Variants in LRBA observed in about 807,000 individuals in gnomAD.
LRBA encodes the protein LPS responsive beige-like anchor protein.
A neutral mutation model predicts 330.0 loss-of-function variants in LRBA; 176 were observed. That is an observed-to-expected ratio of 0.53 (90% CI 0.47 to 0.60). The LOEUF is 0.60. Among genes scored for constraint, LRBA ranks in the 20% least tolerant of loss-of-function variants. The pLI is 0.00. For synonymous variants in LRBA, 1,230 were observed against 1,193.0 expected, an observed-to-expected ratio of 1.03 and a Z score of -0.64; for missense variants, 3,259 against 3,444.8, an observed-to-expected ratio of 0.95 and a Z score of 1.35.
chr4:150,485,937 G>C (rs1283066066), intron 42 of LRBA, among the ~76,000 whole-genome samples: 1 of 151,874 alleles, frequency 6.6e-6, no homozygotes, highest in African/African-American at 2.4e-5. Context: ...GCAGAGGAGT[G>C]GGGGAAATGG....
At position 150,899,977 on chromosome 4, in the gene LRBA, G is replaced by C. The variant is rs1003041567; in HGVS notation, c.1924+72C>G. 5 of 1,236,294 alleles carry C rather than the reference G, an allele frequency of 4.0e-6. No individual in the cohort carries two copies. In the African/African-American group the frequency reaches 7.5e-5, roughly 19 times the overall value. 76.6% of individuals were successfully genotyped at this position (1,236,294 alleles called of 1,614,324 possible). ...ACTGCCCAAATATATGATAGTACTG[G>C]TTAAAACAAAAAGAAAAATTAAATC... On this transcript the variant is annotated intron_variant, in intron 14 of 56. Transcript: ENST00000651943.
intron 17 of LRBA, among the ~76,000 whole-genome samples, chr4:150,891,879 C>T (rs921006571): frequency 3.3e-5 from 5 of 152,072 alleles, no homozygotes; most frequent in African/African-American, 1.2e-4. Context: ...GTGTTTGAGC[C>T]TAGGAGTTCA....
rs746140161 is a variant in LRBA at position 150,914,298 on chromosome 4, G to T, written c.1058C>A (p.Ala353Asp). The T allele has an allele frequency of 1.3e-6, 2 of 1,592,574 alleles. No homozygotes were observed. The highest frequency in any genetic ancestry group is 1.7e-6 in the Non-Finnish European group (2 of 1,167,948). ...CATCTGACCACAGAATACTCTATTA[G>T]CATCTGCTGTTTCTGATGAGCCCAG... ...CFLGSSETAD[A>D]NRVFCGQMTA... The change falls in exon 9 of 57, where the codon GCT becomes GAT. Residue 353 changes from alanine (A) to aspartate (D), a missense_variant. Physicochemically the swap from Ala to Asp is moderately radical, Grantham distance 126 (BLOSUM62 -2). Transcript: ENST00000651943.
rs555716860 is a variant in LRBA at position 150,606,528 on chromosome 4, TA to T, written c.5922-7398del. Among the ~76,000 whole-genome samples the T allele has an allele frequency of 3.0e-3, 463 of 151,948 alleles. 3 individuals are homozygous for T. The highest frequency in any genetic ancestry group is 4.2e-3 in the Non-Finnish European group (285 of 67,916). ...ATGGGGACAAGGAAATTATTAAATA[TA>T]AAAAAAATAAGTTAAAATAGACTAT... On this transcript the variant is annotated intron_variant, in intron 37 of 56. Coordinates refer to ENST00000651943, the MANE Select transcript of LRBA (RefSeq NM_001364905.1).
intron 37 of LRBA, among the ~76,000 whole-genome samples, chr4:150,634,541 G>A (rs1777697372): frequency 6.6e-6 from 1 of 152,166 alleles, no homozygotes; most frequent in Non-Finnish European, 1.5e-5. Context: ...GGATGAAGAA[G>A]GTAACTATAA....
At chr4:150,840,007 A>G (rs978569874) in intron 28 of LRBA, among the ~76,000 whole-genome samples, 17 of 152,180 alleles carry the variant, frequency 1.1e-4, no homozygotes, top group African/African-American at 4.1e-4. Flanking sequence ...TGTTATGGAG[A>G]CAGCTTCTTT....
chr4:150,807,243 C>T (rs1742927980), intron 32 of LRBA, among the ~76,000 whole-genome samples: 1 of 151,918 alleles, frequency 6.6e-6, no homozygotes, highest in Non-Finnish European at 1.5e-5. Flanking sequence ...ATTCATACTA[C>T]CAAGAAGACA....
At chr4:150,876,301 T>C (rs1317955381) in intron 17 of LRBA, among the ~76,000 whole-genome samples, 1 of 152,164 alleles carries the variant, frequency 6.6e-6, no homozygotes, top group African/African-American at 2.4e-5. Flanking sequence ...CTGGAAAATA[T>C]ATGTGAGGAA....
chr4:150,654,775 T>C (rs1375013734), intron 37 of LRBA, among the ~76,000 whole-genome samples: 1 of 152,102 alleles, frequency 6.6e-6, no homozygotes, highest in African/African-American at 2.4e-5. Context: ...TTCCCACCTA[T>C]GAGTGAGAAC....
At chr4:150,266,798 A>C (rs867667244) in intron 56 of LRBA, among the ~76,000 whole-genome samples, 1 of 152,246 alleles carries the variant, frequency 6.6e-6, no homozygotes, top group South Asian at 2.1e-4. Context: ...AACATGATCC[A>C]ACTATATGCT....
chr4:150,705,617 T>G (rs910501763), intron 36 of LRBA, among the ~76,000 whole-genome samples: 12 of 152,010 alleles, frequency 7.9e-5, no homozygotes, highest in African/African-American at 2.7e-4. Context: ...AGATACAATC[T>G]GGCAAGATTA....
At chr4:150,997,267 T>C (rs1742760174) in intron 2 of LRBA, among the ~76,000 whole-genome samples, 1 of 152,186 alleles carries the variant, frequency 6.6e-6, no homozygotes, top group African/African-American at 2.4e-5. Flanking sequence ...AAATACTTTA[T>C]GTAAATAAAG....
chr4:150,579,938 A>C (rs1210202866), intron 40 of LRBA: 4 of 330,108 alleles, frequency 1.2e-5, no homozygotes, highest in Non-Finnish European at 2.4e-5. Flanking sequence ...GTCTCCGCCC[A>C]GTAACTGCCC....
chr4:150,282,617 C>T lies in LRBA; in HGVS notation c.8149G>A (p.Gly2717Arg), dbSNP rs758789829. 1 of 1,612,542 alleles carries T rather than the reference C, an allele frequency of 6.2e-7. No individual in the cohort carries two copies. The highest frequency in any genetic ancestry group is 8.5e-7 in the Non-Finnish European group (1 of 1,179,158). ...EGPCLIHSMN[G>R]DLLRTLEGPE... ...CCCTCCAAGGTCCTCAACAAGTCTC[C>T]ATTCATGGAATGTATGAGACATGGT... is the stretch of plus-strand genomic sequence containing the variant. The change falls in exon 55 of 57, where the codon GGA becomes AGA. Residue 2717 changes from glycine (G) to arginine (R), a missense_variant. Gly to Arg is a moderately radical substitution (Grantham distance 125). Coordinates refer to ENST00000651943, the MANE Select transcript of LRBA (RefSeq NM_001364905.1).
chr4:150,982,637 C>G lies in LRBA; in HGVS notation c.216+31790G>C, dbSNP rs1487974623. 4.0e-5 allele frequency among the ~76,000 whole-genome samples: 6 copies of G among 148,612 alleles called. No homozygotes were observed. The East Asian group carries it at 1.2e-3, about 29-fold the overall frequency. ...AAAAACACCCATAGAATAAAAAATA[C>G]CAGTTTCTCTTGTAATTTGCATTTT... On this transcript the variant is annotated intron_variant, in intron 2 of 56. Coordinates refer to ENST00000651943, the MANE Select transcript of LRBA (RefSeq NM_001364905.1).
rs189275521 is a variant in LRBA at position 150,957,259 on chromosome 4, C to T, written c.217-28194G>A. Among the ~76,000 whole-genome samples the T allele has an allele frequency of 2.8e-3, 409 of 148,532 alleles. 12 individuals are homozygous for T. Among genetic ancestry groups the T allele is most frequent in the Non-Finnish European group, 4.3e-3 (293 of 67,978 alleles). ...TTTAACTGACTCACAGTTCCACTCC[C>T]CAGTGGAACTGGGGAGGCCTCACAA... On this transcript the variant is annotated intron_variant, in intron 2 of 56. Transcript: ENST00000651943.
At chr4:150,827,783 G>A (rs1746487049) in intron 30 of LRBA, among the ~76,000 whole-genome samples, 1 of 151,760 alleles carries the variant, frequency 6.6e-6, no homozygotes, top group African/African-American at 2.4e-5. Context: ...TGTATTTTTA[G>A]TAGAGACTGG....
At chr4:150,661,213 G>A (rs956276815) in intron 37 of LRBA, among the ~76,000 whole-genome samples, 1 of 151,680 alleles carries the variant, frequency 6.6e-6, no homozygotes, top group East Asian at 1.9e-4. Context: ...GCTCACACCT[G>A]TAATCCCAGC....
chr4:150,489,583 A>ATATTATATATAAGAAT (rs1561251997), intron 41 of LRBA, among the ~76,000 whole-genome samples: 2 of 70,040 alleles, frequency 2.9e-5, no homozygotes, highest in African/African-American at 4.4e-5. Context: ...AAGAATATAT[A>ATATTATATATAAGAAT]ATATATTATA....
Sources: gnomAD v4.1 joint callset for allele counts (sites outside exome capture counted in the v4.1 genomes callset) on GRCh38, gnomAD v4.1.1 for gene constraint, MANE v1.5 for transcripts, NCBI Gene and HGNC (gene_info 2026-07-23, HGNC 2026-07-21) for gene names.